GAN: variants seen among roughly 807,000 people sequenced by gnomAD.
GAN encodes epididymis secretory sperm binding protein.
In GAN, 48 loss-of-function variants were observed where a neutral mutation model predicts 71.3. That is an observed-to-expected ratio of 0.67 (90% CI 0.53 to 0.86). GAN has a LOEUF of 0.86. Ranked by LOEUF, GAN falls within the 40% of genes least tolerant of loss-of-function variation. The probability of loss-of-function intolerance (pLI) is 0.00; values close to 1 mark genes in which losing one functional copy is unlikely to be tolerated. For synonymous variants in GAN, 386 were observed against 276.8 expected, an observed-to-expected ratio of 1.39 and a Z score of -3.92; for missense variants, 928 against 770.1, an observed-to-expected ratio of 1.21 and a Z score of -2.43.
chr16:81,354,455 G>C lies in GAN; in HGVS notation c.333G>C (p.Leu111=), dbSNP rs753122436. 3.2e-5 allele frequency: 51 copies of C among 1,613,896 alleles called. No homozygotes were observed. Among genetic ancestry groups the C allele is most frequent in the Non-Finnish European group, 4.3e-5 (51 of 1,179,854 alleles). Residue 111 remains leucine, a synonymous_variant, in exon 3 of 11, where the codon CTG becomes CTC. Transcript: ENST00000648994. ...TIQDVVQAAD[L]LLLTDLKTLC... Reference sequence around the variant, plus strand: ...AAGATGTTGTTCAGGCAGCTGACCTGCTGCTACTGACGGACCTTAAAACCC... The same window carrying C: ...AAGATGTTGTTCAGGCAGCTGACCTCCTGCTACTGACGGACCTTAAAACCC...
In GAN at chr16:81,387,450, G is replaced by A. The variant is rs917834404; in HGVS notation, c.*9854G>A. On this transcript the variant is annotated 3_prime_UTR_variant, in exon 11 of 11. Transcript: ENST00000648994. ...TCCTCCCTGGTGAAAGTCTACTGCA[G>A]TTTTATTCTCAGCTCTGGAAGGAGA... 6.6e-6 allele frequency: 1 copy of A among 152,394 alleles called. No homozygotes were observed. Among genetic ancestry groups the A allele is most frequent in the Non-Finnish European group, 1.5e-5 (1 of 68,218 alleles). 9.4% of individuals were successfully genotyped at this position (152,394 alleles called of 1,614,324 possible). A position where few individuals can be genotyped will look rare whatever the true frequency, so the allele number is the denominator to read the frequency against.
chr16:81,330,898 CCT>C (rs1909554497), intron 1 of GAN, among the ~76,000 whole-genome samples: 1 of 152,124 alleles, frequency 6.6e-6, no homozygotes, highest in South Asian at 2.1e-4. Context: ...AAATGCATAA[CCT>C]CAGTGGAATT....
chr16:81,360,477 T>A, intron 5 of GAN, among the ~76,000 whole-genome samples: 1 of 152,316 alleles, frequency 6.6e-6, no homozygotes, highest in East Asian at 1.9e-4. Context: ...TTATTTTCCA[T>A]CTTTTTGTCT....
chr16:81,364,686 C>G (rs1278262663), intron 7 of GAN, among the ~76,000 whole-genome samples: 1 of 152,082 alleles, frequency 6.6e-6, no homozygotes, highest in Non-Finnish European at 1.5e-5. Flanking sequence ...GAGACCCTGT[C>G]TCTAATAAAT....
chr16:81,363,228 T>C (rs2608553), intron 6 of GAN, among the ~76,000 whole-genome samples: 135,255 of 152,264 alleles, frequency 0.89, 60,158 homozygotes, highest in East Asian at 0.99. Flanking sequence ...CTGCCCTTTG[T>C]TATGCAAAAA....
intron 9 of GAN, among the ~76,000 whole-genome samples, chr16:81,371,077 G>A (rs945666941): frequency 2.6e-5 from 4 of 152,046 alleles, no homozygotes; most frequent in Non-Finnish European, 5.9e-5. Flanking sequence ...GCTTTCTTTT[G>A]TTATTTCCAT....
intron 1 of GAN, 109 bp from the exon 2 acceptor site, chr16:81,351,474 G>C: frequency 1.5e-6 from 1 of 674,626 alleles, no homozygotes; most frequent in Non-Finnish European, 2.7e-6. Flanking sequence ...TCTAGGTGGG[G>C]ATTCATATAC....
chr16:81,386,654 G>C lies in GAN; in HGVS notation c.*9058G>C, dbSNP rs541184697. 6.6e-6 allele frequency: 1 copy of C among 152,354 alleles called. No individual in the cohort carries two copies. The highest frequency in any genetic ancestry group is 2.4e-5 in the African/African-American group (1 of 41,592). The allele number at this position is 152,354 out of a possible 1,614,324, so 9.4% of individuals were successfully genotyped here. A position where few individuals can be genotyped will look rare whatever the true frequency, so the allele number is the denominator to read the frequency against. Reference sequence around the variant, plus strand: ...CATTCTTGATCTCTGAATGTGAAAAGGAAGTAGAACAGCCGGGCGCGGTGG... The same window carrying C: ...CATTCTTGATCTCTGAATGTGAAAACGAAGTAGAACAGCCGGGCGCGGTGG... On this transcript the variant is annotated 3_prime_UTR_variant, in exon 11 of 11. Coordinates refer to ENST00000648994, the MANE Select transcript of GAN (RefSeq NM_022041.4).
chr16:81,347,923 G>T (rs750520924), intron 1 of GAN, among the ~76,000 whole-genome samples: 1 of 151,792 alleles, frequency 6.6e-6, no homozygotes, highest in Non-Finnish European at 1.5e-5. Flanking sequence ...TTTTTGGTTG[G>T]GGGGACATTA....
At position 81,381,390 on chromosome 16, in the gene GAN, G is replaced by A. The variant is rs150291155; in HGVS notation, c.*3794G>A. On this transcript the variant is annotated 3_prime_UTR_variant, in exon 11 of 11. Coordinates refer to ENST00000648994, the MANE Select transcript of GAN (RefSeq NM_022041.4). ...TTTGGTTAAATGGGGGAAGAATGAG[G>A]TGGCGCTTTGACTGTATCAATTTAA... The A allele has an allele frequency of 6.6e-6, 1 of 152,330 alleles. No individual in the cohort carries two copies. The highest frequency in any genetic ancestry group is 1.9e-4 in the East Asian group (1 of 5,192). 9.4% of individuals were successfully genotyped at this position (152,330 alleles called of 1,614,324 possible). A position where few individuals can be genotyped will look rare whatever the true frequency, so the allele number is the denominator to read the frequency against.
chr16:81,325,953 C>T (rs1320410091), intron 1 of GAN, among the ~76,000 whole-genome samples: 1 of 152,186 alleles, frequency 6.6e-6, no homozygotes, highest in Non-Finnish European at 1.5e-5. Context: ...TTCTTGACTT[C>T]CTACTCTTGC....
chr16:81,328,237 C>T (rs946300546), intron 1 of GAN, among the ~76,000 whole-genome samples: 1 of 152,206 alleles, frequency 6.6e-6, no homozygotes, highest in African/African-American at 2.4e-5. Context: ...TGGTTCTGAA[C>T]AGTATACTTA....
rs1192649388 is a variant in GAN, at chr16:81,382,271, C to G, written c.*4675C>G. 1 of 152,168 alleles carries G rather than the reference C, an allele frequency of 6.6e-6. No individual in the cohort carries two copies. Among genetic ancestry groups the G allele is most frequent in the Non-Finnish European group, 1.5e-5 (1 of 68,022 alleles). 9.4% of individuals were successfully genotyped at this position (152,168 alleles called of 1,614,324 possible). On this transcript the variant is annotated 3_prime_UTR_variant, in exon 11 of 11. Transcript: ENST00000648994. ...CACCAGTCAGCCAGTGAGGCTGGAA[C>G]TTGATTTTTCTAGGCATACAAGTAT... is the stretch of plus-strand genomic sequence containing the variant.
rs188841608 is a variant in GAN, at chr16:81,320,797, A to C, written c.167+5517A>C. The stretch of plus-strand genomic sequence containing the variant: ...GCTGGGCTTGAGTCTCTTTTAAGGG[A>C]TCTAGACTTTGTTTTTATCTACTTA... On this transcript the variant is annotated intron_variant, in intron 1 of 10. Coordinates refer to ENST00000648994, the MANE Select transcript of GAN (RefSeq NM_022041.4). 2.5e-3 allele frequency among the ~76,000 whole-genome samples: 385 copies of C among 152,330 alleles called. 2 individuals are homozygous for C. Among genetic ancestry groups the C allele is most frequent in the Middle Eastern group, 3.4e-3 (1 of 294 alleles).
Position 81,363,919 on chromosome 16 carries a change from A to G in GAN, c.1212A>G (p.Gln404=), listed in dbSNP as rs1273605833. ...TTTATTCTAAAACCTGGACAAAGCA[A>G]CCTGATTTGACCATGGTCAGAAAGG... is the stretch of plus-strand genomic sequence containing the variant. ...YDIYSKTWTK[Q]PDLTMVRKIG... The change falls in exon 7 of 11, where the codon CAA becomes CAG. Residue 404 remains glutamine (Q), a synonymous_variant. Transcript: ENST00000648994. 6.8e-6 allele frequency: 11 copies of G among 1,613,038 alleles called. No homozygotes were observed. The Admixed American group carries it at 1.7e-4, about 24-fold the overall frequency.
intron 7 of GAN, among the ~76,000 whole-genome samples, chr16:81,364,531 T>C (rs1276261283): frequency 1.3e-5 from 2 of 152,124 alleles, no homozygotes; most frequent in Admixed American, 6.5e-5. Flanking sequence ...AAAAAAGTTT[T>C]AAATAAAGTT....
At chr16:81,319,880 T>C (rs780519459) in intron 1 of GAN, among the ~76,000 whole-genome samples, 1 of 152,364 alleles carries the variant, frequency 6.6e-6, no homozygotes, top group South Asian at 2.1e-4. Context: ...GTCTAAGTTA[T>C]GTAGCTCTAT....
At chr16:81,348,666 T>C (rs1281188526) in intron 1 of GAN, among the ~76,000 whole-genome samples, 1 of 152,222 alleles carries the variant, frequency 6.6e-6, no homozygotes, top group Non-Finnish European at 1.5e-5. Flanking sequence ...CTGTGTATGA[T>C]GTGACATGAG....
intron 9 of GAN, among the ~76,000 whole-genome samples, chr16:81,376,513 GTGTGTGTGTA>G (rs1375412185): frequency 3.7e-5 from 5 of 134,608 alleles, no homozygotes; most frequent in African/African-American, 1.2e-4. Context: ...GTGTGTGTAT[GTGTGTGTGTA>G]TACATATATG....
Sources: gnomAD v4.1 joint callset for allele counts (sites outside exome capture counted in the v4.1 genomes callset) on GRCh38, gnomAD v4.1.1 for gene constraint, MANE v1.5 for transcripts, NCBI Gene and HGNC (gene_info 2026-07-23, HGNC 2026-07-21) for gene names.